The following CCDC186 variants were observed in gnomAD, a reference collection of about 807,000 sequenced individuals.
CCDC186 encodes coiled-coil domain-containing protein 186.
CCDC186 carries 49 observed loss-of-function variants against 113.7 expected under a neutral mutation model. That is an observed-to-expected ratio of 0.43 (90% CI 0.34 to 0.55). CCDC186 has a LOEUF of 0.55. Among genes scored for constraint, CCDC186 ranks in the 20% least tolerant of loss-of-function variants. The pLI, the probability that CCDC186 is intolerant of heterozygous loss-of-function variation, is 0.02. For missense variants in CCDC186, 890 were observed against 1,011.1 expected, an observed-to-expected ratio of 0.88 and a Z score of 1.62; for synonymous variants, 355 against 345.8, an observed-to-expected ratio of 1.03 and a Z score of -0.30.
intron 2 of CCDC186, among the ~76,000 whole-genome samples, chr10:114,158,726 C>G (rs1589628426): frequency 6.6e-6 from 1 of 152,090 alleles, no homozygotes. Context: ...ATATTAACAG[C>G]AAAACAAAAC....
At chr10:114,145,503 C>G in intron 5 of CCDC186, 46 bp downstream of exon 5, 1 of 1,451,468 alleles carries the variant, frequency 6.9e-7, no homozygotes. Context: ...GCAAAGAGAA[C>G]AAATTTCAAA....
intron 1 of CCDC186, among the ~76,000 whole-genome samples, chr10:114,171,010 A>G (rs2032479315): frequency 1.3e-5 from 2 of 152,178 alleles, no homozygotes; most frequent in South Asian, 4.1e-4. Flanking sequence ...CATATATGTC[A>G]TATCAGCTCG....
intron 1 of CCDC186, 100 bp from the exon 2 acceptor site, chr10:114,163,429 T>C: frequency 1.1e-6 from 1 of 933,480 alleles, no homozygotes; most frequent in Non-Finnish European, 1.5e-6. Context: ...ACCACAAATT[T>C]TATCACTAAC....
At position 114,129,978 on chromosome 10, in the gene CCDC186, GA is replaced by G. The variant is rs1564905129; in HGVS notation, c.2102-8del. 6.2e-7 allele frequency: 1 copy of G among 1,610,760 alleles called. No individual in the cohort carries two copies. The highest frequency in any genetic ancestry group is 8.5e-7 in the Non-Finnish European group (1 of 1,177,978). On this transcript the variant is annotated splice_region_variant and splice_polypyrimidine_tract_variant and intron_variant, in intron 12 of 15. Coordinates refer to ENST00000369287, the MANE Select transcript of CCDC186 (RefSeq NM_018017.4). ...TGATCTAATTTTCTTCGTGCTATAGGAAAAAGAAGATTATTCGTCACAATTA... is the reference window on the plus strand; with the variant it reads ...TGATCTAATTTTCTTCGTGCTATAGGAAAAGAAGATTATTCGTCACAATTA...
chr10:114,162,991 A>ATTT lies in CCDC186; in HGVS notation c.275_277dup (p.Gln92_Ile93insLys). The ATTT allele has an allele frequency of 1.2e-6, 2 of 1,614,022 alleles. No individual in the cohort carries two copies. Among genetic ancestry groups the ATTT allele is most frequent in the South Asian group, 2.2e-5 (2 of 91,044 alleles). On this transcript the variant is annotated inframe_insertion, in exon 2 of 16. Transcript: ENST00000369287. The stretch of plus-strand genomic sequence containing the variant: ...AAAATTTCCACTAGGAAAATTAGCT[A>ATTT]TTTGTTCAGAATTTTCTGAGCCTGT...
At chr10:114,131,827 C>T in intron 11 of CCDC186, 102 bp downstream of exon 11, 1 of 1,009,120 alleles carries the variant, frequency 9.9e-7, no homozygotes, top group Non-Finnish European at 1.3e-6. Context: ...AAGTCAGTGT[C>T]CAGGAAAGAA....
chr10:114,162,102 A>G (rs1390158181), intron 2 of CCDC186: 2 of 152,274 alleles, frequency 1.3e-5, no homozygotes, highest in Non-Finnish European at 2.9e-5. Context: ...TTGGTTGTCC[A>G]ACAGTGTGAA....
In CCDC186 at chr10:114,132,151, T is replaced by C. The variant is rs760950675; in HGVS notation, c.1689A>G (p.Glu563=). The C allele has an allele frequency of 1.2e-6, 2 of 1,601,838 alleles. No homozygotes were observed. Among genetic ancestry groups the C allele is most frequent in the East Asian group, 2.2e-5 (1 of 44,684 alleles). Residue 563 remains glutamate, a synonymous_variant, in exon 11 of 16, where the codon GAA becomes GAG. Coordinates refer to ENST00000369287, the MANE Select transcript of CCDC186 (RefSeq NM_018017.4). ...TAATCAAAGAATTAAGACTTTCCAC[T>C]TCTTCTTTCAAATTTTCAATTTCTT... ...GKQEIENLKE[E]VESLNSLIND... is the part of the protein sequence containing the mutation.
At chr10:114,159,774 G>A (rs1198502438) in intron 2 of CCDC186, among the ~76,000 whole-genome samples, 2 of 151,736 alleles carry the variant, frequency 1.3e-5, no homozygotes, top group Non-Finnish European at 1.5e-5. Context: ...GGGCAACATC[G>A]TGAAACCCCA....
intron 10 of CCDC186, 148 bp downstream of exon 10, chr10:114,134,765 G>A: frequency 1.2e-6 from 1 of 822,528 alleles, no homozygotes; most frequent in Non-Finnish European, 1.9e-6. Flanking sequence ...ATAATCCAAA[G>A]AAGTTCAGAT....
chr10:114,137,758 C>G (rs1012586092), intron 6 of CCDC186, among the ~76,000 whole-genome samples: 7 of 152,096 alleles, frequency 4.6e-5, no homozygotes, highest in African/African-American at 1.7e-4. Context: ...AAAAATTGGC[C>G]AGGCATGGTG....
chr10:114,169,608 T>G (rs1304399245), intron 1 of CCDC186, among the ~76,000 whole-genome samples: 4 of 152,318 alleles, frequency 2.6e-5, no homozygotes, highest in East Asian at 3.9e-4. Flanking sequence ...AAACTGAACT[T>G]GAGACCACTC....
intron 1 of CCDC186, among the ~76,000 whole-genome samples, chr10:114,170,499 G>A (rs929428491): frequency 6.6e-6 from 1 of 152,022 alleles, no homozygotes; most frequent in Non-Finnish European, 1.5e-5. Flanking sequence ...TTTTAAAAAT[G>A]TTTTGTAGAG....
chr10:114,173,155 C>T (rs1267606344), intron 1 of CCDC186: 1 of 455,138 alleles, frequency 2.2e-6, no homozygotes, highest in African/African-American at 2.0e-5. Flanking sequence ...GACTGTACTG[C>T]GTATTTTTAC....
chr10:114,125,973 A>G lies in CCDC186; in HGVS notation c.2526T>C (p.Asn842=), dbSNP rs142821326. 3.0e-5 allele frequency: 48 copies of G among 1,613,904 alleles called. No individual in the cohort carries two copies. In the African/African-American group the frequency reaches 5.6e-4, roughly 19 times the overall value. ...ASLYTSHPAD[N]GLTLELSLEI... ...CCAAAGAGAGCTCCAATGTTAATCC[A>G]TTGTCAGCTGGATGGGATGTATATA... The change falls in exon 15 of 16, where the codon AAT becomes AAC. Residue 842 remains asparagine (N), a synonymous_variant. Coordinates refer to ENST00000369287, the MANE Select transcript of CCDC186 (RefSeq NM_018017.4).
rs924158253 is a variant in CCDC186, at chr10:114,162,681, C to A, written c.588G>T (p.Lys196Asn). The stretch of plus-strand genomic sequence containing the variant: ...GCTGCAAATATTTATCTTGCACACA[C>A]TTTTCAAACAGAACTAATGCATGTT... ...KGEHALVLFE[K>N]CVQDKYLQQE... The change falls in exon 2 of 16, where the codon AAG (lysine) becomes AAT (asparagine). Residue 196 changes from lysine (K) to asparagine (N), a missense_variant. Lys to Asn is a moderately conservative substitution (Grantham distance 94). Transcript: ENST00000369287. 2 of 1,603,686 alleles carry A rather than the reference C, an allele frequency of 1.2e-6. No individual in the cohort carries two copies. Among genetic ancestry groups the A allele is most frequent in the African/African-American group, 2.7e-5 (2 of 74,282 alleles).
At chr10:114,147,526 G>C (rs1037293536) in intron 4 of CCDC186, among the ~76,000 whole-genome samples, 3 of 152,140 alleles carry the variant, frequency 2.0e-5, no homozygotes, top group Non-Finnish European at 4.4e-5. Context: ...ACACATTTAG[G>C]AGATATCAAG....
In CCDC186 at chr10:114,174,075, C is replaced by T. The variant is rs889752633; in HGVS notation, c.-122G>A. On this transcript the variant is annotated 5_prime_UTR_variant, in exon 1 of 16. Transcript: ENST00000369287. ...GGCTGCTGGAGCTCTGGCTCAGGGGCCAACTTTTCCATAGCGGGGTCCAAC... is the reference window on the plus strand; with the variant it reads ...GGCTGCTGGAGCTCTGGCTCAGGGGTCAACTTTTCCATAGCGGGGTCCAAC... 8 of 472,056 alleles carry T rather than the reference C, an allele frequency of 1.7e-5. No homozygotes were observed. Among genetic ancestry groups the T allele is most frequent in the Admixed American group, 9.4e-5 (4 of 42,576 alleles). The allele number at this position is 472,056 out of a possible 1,614,324, so 29.2% of individuals were successfully genotyped here. A position where few individuals can be genotyped will look rare whatever the true frequency, so the allele number is the denominator to read the frequency against.
At chr10:114,137,096 G>A (rs931170270) in intron 7 of CCDC186, 90 bp downstream of exon 7, 142 of 935,762 alleles carry the variant, frequency 1.5e-4, no homozygotes, top group Non-Finnish European at 2.0e-4. Context: ...CAGCCCGGGC[G>A]ACAGAGCGAG....
Sources: gnomAD v4.1 joint callset for allele counts (sites outside exome capture counted in the v4.1 genomes callset) on GRCh38, gnomAD v4.1.1 for gene constraint, MANE v1.5 for transcripts, NCBI Gene and HGNC (gene_info 2026-07-23, HGNC 2026-07-21) for gene names.